FAM91A1: variants seen among roughly 807,000 people sequenced by gnomAD.
FAM91A1 encodes family with sequence similarity 91 member A1.
Under a neutral mutation model 113.5 loss-of-function variants are expected in FAM91A1, and 41 were observed. That is an observed-to-expected ratio of 0.36 (90% CI 0.28 to 0.47). The LOEUF (loss-of-function observed/expected upper bound fraction) is 0.47, where lower values mean the gene tolerates loss of function less well. Ranked by LOEUF, FAM91A1 falls within the 20% of genes least tolerant of loss-of-function variation. FAM91A1 has a pLI of 1.00. For synonymous variants in FAM91A1, 307 were observed against 347.9 expected (o/e 0.88, Z 1.31); for missense variants, 696 against 1,001.2 (o/e 0.70, Z 4.11).
chr8:123,780,566 A>G (rs1563638077), intron 8 of FAM91A1, 24 bp downstream of exon 8: 9 of 1,597,536 alleles, frequency 5.6e-6, no homozygotes, highest in Non-Finnish European at 7.7e-6. Flanking sequence ...AACATTTTTC[A>G]CTGTTTTTTG....
chr8:123,805,935 A>T, intron 19 of FAM91A1, 145 bp from the exon 20 acceptor site: 2 of 726,768 alleles, frequency 2.8e-6, no homozygotes, highest in Non-Finnish European at 3.9e-6. Flanking sequence ...AAGAATGACA[A>T]CTTTATATAT....
rs1357085920 is a variant in FAM91A1, at chr8:123,772,863, AT to A, written c.73-1216del. ...ACTACAATAAGCTAGAGAAAAGAAA[AT>A]GCTATTATGAAAATCATAATATTTT... On this transcript the variant is annotated intron_variant, in intron 1 of 23. Coordinates refer to ENST00000334705, the MANE Select transcript of FAM91A1 (RefSeq NM_144963.4). Among the ~76,000 whole-genome samples, 6 of 152,198 alleles carry A rather than the reference AT, an allele frequency of 3.9e-5. No homozygotes were observed. The East Asian group carries it at 1.2e-3, about 29-fold the overall frequency.
rs1251987638 is a variant in FAM91A1, at chr8:123,778,083, A to G, written c.426A>G (p.Arg142=). The G allele has an allele frequency of 1.4e-5, 22 of 1,611,260 alleles. No homozygotes were observed. The highest frequency in any genetic ancestry group is 1.6e-5 in the Non-Finnish European group (19 of 1,178,610). ...NQYIDLMNQC[R]SSKKFFRRKT... Reference sequence around the variant, plus strand: ...ATATTGATCTTATGAATCAGTGTAGATCATCAAAAGTAAGTTAGTACTTTC... The same window carrying G: ...ATATTGATCTTATGAATCAGTGTAGGTCATCAAAAGTAAGTTAGTACTTTC... Residue 142 remains arginine, a synonymous_variant, in exon 5 of 24, where the codon AGA becomes AGG. Transcript: ENST00000334705.
intron 15 of FAM91A1, among the ~76,000 whole-genome samples, chr8:123,795,522 A>G (rs1467915364): frequency 6.6e-6 from 1 of 152,086 alleles, no homozygotes. Flanking sequence ...ACCTTCTGCC[A>G]TGATTGTCAG....
intron 15 of FAM91A1, among the ~76,000 whole-genome samples, chr8:123,790,054 A>G (rs1815346924): frequency 6.6e-6 from 1 of 152,214 alleles, no homozygotes; most frequent in Non-Finnish European, 1.5e-5. Flanking sequence ...TGAGGGGTGA[A>G]CAAGGGCAAA....
chr8:123,789,290 C>A (rs946531274), intron 14 of FAM91A1, among the ~76,000 whole-genome samples: 1 of 152,124 alleles, frequency 6.6e-6, no homozygotes, highest in Admixed American at 6.5e-5. Flanking sequence ...GGAGTACTTT[C>A]CTAGATGGAG....
intron 8 of FAM91A1, among the ~76,000 whole-genome samples, chr8:123,784,089 C>G (rs557864781): frequency 3.4e-4 from 52 of 152,232 alleles, no homozygotes; most frequent in African/African-American, 1.2e-3. Flanking sequence ...CAGCTTTGGC[C>G]CACTCACCCC....
intron 15 of FAM91A1, among the ~76,000 whole-genome samples, chr8:123,796,461 CTTTT>C (rs71289612): frequency 7.8e-6 from 1 of 129,030 alleles, no homozygotes. Flanking sequence ...GAGTGAAGGG[CTTTT>C]TTTTTTTTTT....
At chr8:123,794,645 G>T (rs1035943890) in intron 15 of FAM91A1, among the ~76,000 whole-genome samples, 1 of 152,154 alleles carries the variant, frequency 6.6e-6, no homozygotes, top group African/African-American at 2.4e-5. Context: ...TTGTCTTTAC[G>T]TTAAATTGCC....
intron 20 of FAM91A1, among the ~76,000 whole-genome samples, chr8:123,807,997 T>A (rs1815852640): frequency 6.6e-6 from 1 of 152,204 alleles, no homozygotes; most frequent in African/African-American, 2.4e-5. Context: ...CTATGTGCAG[T>A]TTGAGCTGGC....
rs746956093 is a variant in FAM91A1, at chr8:123,785,759, A to T, written c.962+18A>T. 1.4e-6 allele frequency: 2 copies of T among 1,423,292 alleles called. No homozygotes were observed. The highest frequency in any genetic ancestry group is 9.6e-7 in the Non-Finnish European group (1 of 1,041,662). 88.2% of individuals were successfully genotyped at this position (1,423,292 alleles called of 1,614,324 possible). A position where few individuals can be genotyped will look rare whatever the true frequency, so the allele number is the denominator to read the frequency against. ...AGATTAAAGTAACTTAAATTTATTC[A>T]GTATGAGCTATTAGAGTTTCCTTTT... is the stretch of plus-strand genomic sequence containing the variant. On this transcript the variant is annotated intron_variant, in intron 11 of 23. Transcript: ENST00000334705.
intron 22 of FAM91A1, 141 bp from the exon 23 acceptor site, chr8:123,810,141 C>T (rs886069497): frequency 5.3e-5 from 39 of 730,992 alleles, no homozygotes; most frequent in Admixed American, 2.9e-4. Context: ...TGATGAGAAA[C>T]ACTGAAATTG....
intron 8 of FAM91A1, among the ~76,000 whole-genome samples, chr8:123,782,713 A>C (rs948981322): frequency 1.3e-5 from 2 of 152,204 alleles, no homozygotes; most frequent in Admixed American, 1.3e-4. Flanking sequence ...TAAGGGTTCA[A>C]CTTATTTTTC....
chr8:123,773,067 C>T (rs189941146), intron 1 of FAM91A1, among the ~76,000 whole-genome samples: 206 of 152,182 alleles, frequency 1.4e-3, no homozygotes, highest in African/African-American at 4.6e-3. Context: ...CCCGTGTTGT[C>T]CAAGGGCCAA....
intron 1 of FAM91A1, among the ~76,000 whole-genome samples, chr8:123,772,309 G>A (rs1330791382): frequency 6.6e-6 from 1 of 152,180 alleles, no homozygotes; most frequent in Non-Finnish European, 1.5e-5. Context: ...TAGCAAAATT[G>A]TGTGCTTGTT....
At position 123,768,447 on chromosome 8, in the gene FAM91A1, T is replaced by G. The variant is rs1389348877; in HGVS notation, c.-256T>G. ...GGAAGTGACGTGTGCCCAGAGCCAT[T>G]TCCGGCGGCCCGAAACTAGGAAGAA... is the stretch of plus-strand genomic sequence containing the variant. On this transcript the variant is annotated 5_prime_UTR_variant, in exon 1 of 24. The change creates a new upstream start codon in the 5' untranslated region. Coordinates refer to ENST00000334705, the MANE Select transcript of FAM91A1 (RefSeq NM_144963.4). 1.4e-5 allele frequency: 6 copies of G among 415,596 alleles called. No homozygotes were observed. The highest frequency in any genetic ancestry group is 2.6e-5 in the Non-Finnish European group (6 of 234,910). The allele number at this position is 415,596 out of a possible 1,614,324, so 25.7% of individuals were successfully genotyped here.
In FAM91A1 at chr8:123,768,764, A is replaced by G. The variant is rs1814768521; in HGVS notation, c.62A>G (p.Asn21Ser). ...HNYPWNKLPANVRQSLGNSQR... is the reference protein window; with the variant it reads ...HNYPWNKLPASVRQSLGNSQR... ...TACCCCTGGAACAAGTTGCCGGCCA[A>G]CGTGAGACAGGTACGGCCGGAACCT... The change falls in exon 1 of 24, where the codon AAC becomes AGC. Residue 21 changes from asparagine (N) to serine (S), a missense_variant. Coordinates refer to ENST00000334705, the MANE Select transcript of FAM91A1 (RefSeq NM_144963.4). 2 of 1,611,658 alleles carry G rather than the reference A, an allele frequency of 1.2e-6. No individual in the cohort carries two copies. The highest frequency in any genetic ancestry group is 2.2e-5 in the East Asian group (1 of 44,720).
At chr8:123,806,279 GAC>G (rs1262436860) in intron 20 of FAM91A1, 50 bp downstream of exon 20, 1 of 1,557,074 alleles carries the variant, frequency 6.4e-7, no homozygotes, top group Non-Finnish European at 8.7e-7. Flanking sequence ...TTTTGAGTTT[GAC>G]ACAGTGTTAA....
At chr8:123,793,108 C>T (rs1815426931) in intron 15 of FAM91A1, among the ~76,000 whole-genome samples, 1 of 152,196 alleles carries the variant, frequency 6.6e-6, no homozygotes, top group Non-Finnish European at 1.5e-5. Context: ...GATCTGCTAT[C>T]CTATACCTCA....
Sources: gnomAD v4.1 joint callset for allele counts (sites outside exome capture counted in the v4.1 genomes callset) on GRCh38, gnomAD v4.1.1 for gene constraint, MANE v1.5 for transcripts, NCBI Gene and HGNC (gene_info 2026-07-23, HGNC 2026-07-21) for gene names.